ZNF124: variants seen among roughly 807,000 people sequenced by gnomAD.
The protein encoded by ZNF124 is zinc finger protein HZF-16.
A neutral mutation model predicts 26.6 loss-of-function variants in ZNF124; 25 were observed. The observed-to-expected ratio is 0.94, with a 90% CI of 0.68 to 1.31. ZNF124 has a LOEUF of 1.31. Ranked by LOEUF, ZNF124 falls within the 40% of genes most tolerant of loss-of-function variation. ZNF124 has a pLI of 0.00. For missense variants in ZNF124, 444 were observed against 422.2 expected, an observed-to-expected ratio of 1.05 and a Z score of -0.45; for synonymous variants, 129 against 133.3, an observed-to-expected ratio of 0.97 and a Z score of 0.22.
chr1:247,140,272 G>A (rs891859755), intron 3 of ZNF124, among the ~76,000 whole-genome samples: 1 of 152,152 alleles, frequency 6.6e-6, no homozygotes, highest in Non-Finnish European at 1.5e-5. Flanking sequence ...GGTCTATTCT[G>A]CTGTTAATAC....
intron 2 of ZNF124, 125 bp downstream of exon 2, chr1:247,159,562 T>G: frequency 1.1e-6 from 1 of 925,124 alleles, no homozygotes; most frequent in Non-Finnish European, 1.6e-6. Flanking sequence ...CATTGCACAC[T>G]GGGTCCATGC....
At chr1:247,130,647 A>G (rs1336927393) in intron 3 of ZNF124, among the ~76,000 whole-genome samples, 1 of 152,246 alleles carries the variant, frequency 6.6e-6, no homozygotes, top group Admixed American at 6.5e-5. Context: ...TGTTTATTGT[A>G]TGAAAGGAAT....
intron 1 of ZNF124, among the ~76,000 whole-genome samples, chr1:247,160,276 G>A (rs1266069916): frequency 2.6e-5 from 4 of 152,180 alleles, no homozygotes; most frequent in Admixed American, 1.3e-4. Context: ...GAGCCACCGC[G>A]CTCAGCCAGC....
intron 3 of ZNF124, among the ~76,000 whole-genome samples, chr1:247,148,925 G>A (rs1672855957): frequency 6.6e-6 from 1 of 151,854 alleles, no homozygotes; most frequent in South Asian, 2.1e-4. Context: ...AGCCGAAATT[G>A]TGCCACTGCA....
At chr1:247,159,149 A>G (rs1465038828) in intron 2 of ZNF124, 83 bp from the exon 3 acceptor site, 1 of 1,356,540 alleles carries the variant, frequency 7.4e-7, no homozygotes, top group Non-Finnish European at 1.0e-6. Context: ...TGTTGGGGAT[A>G]TGGTTTGTAC....
chr1:247,155,403 A>G lies in ZNF124; in HGVS notation c.*1163T>C, dbSNP rs1015714855. Among the ~76,000 whole-genome samples the G allele has an allele frequency of 5.9e-5, 9 of 152,006 alleles. No individual in the cohort carries two copies. The highest frequency in any genetic ancestry group is 1.9e-4 in the African/African-American group (8 of 41,440). The stretch of plus-strand genomic sequence containing the variant: ...TTTATACTTTAAATATTTAAAAAAT[A>G]TTTTTTAAAATGGCTATGCAAGAAA... On this transcript the variant is annotated 3_prime_UTR_variant, in exon 4 of 4. Coordinates refer to ENST00000543802, the MANE Select transcript of ZNF124 (RefSeq NM_001297568.2).
chr1:247,155,945 G>T lies in ZNF124; in HGVS notation c.*621C>A. Reference sequence around the variant, plus strand: ...TATTCTAGAGACTCTCTTCAAAAATGAGCAACCAATATATTCAATTTATTT... The same window carrying T: ...TATTCTAGAGACTCTCTTCAAAAATTAGCAACCAATATATTCAATTTATTT... On this transcript the variant is annotated 3_prime_UTR_variant, in exon 4 of 4. Transcript: ENST00000543802. The T allele has an allele frequency of 3.2e-6, 3 of 933,704 alleles. No individual in the cohort carries two copies. Among genetic ancestry groups the T allele is most frequent in the Non-Finnish European group, 2.5e-6 (2 of 785,970 alleles). 57.8% of individuals were successfully genotyped at this position (933,704 alleles called of 1,614,324 possible). A position where few individuals can be genotyped will look rare whatever the true frequency, so the allele number is the denominator to read the frequency against.
Sources: allele counts gnomAD v4.1 joint callset (sites outside exome capture counted in the v4.1 genomes callset), GRCh38; gene constraint gnomAD v4.1.1; transcripts MANE v1.5; gene names NCBI Gene and HGNC (gene_info 2026-07-23, HGNC 2026-07-21).